The following KCNMA1 variants were observed in gnomAD, a reference collection of about 807,000 sequenced individuals.
The protein encoded by KCNMA1 is potassium calcium-activated channel subfamily M alpha 1.
In KCNMA1, 29 loss-of-function variants were observed where a neutral mutation model predicts 140.0. The ratio of observed to expected loss-of-function variants is 0.21; its 90% CI spans 0.15 to 0.28. KCNMA1 has a LOEUF of 0.28. Ranked by LOEUF, KCNMA1 falls within the 10% of genes least tolerant of loss-of-function variation. The pLI is 1.00. For missense variants in KCNMA1, 880 were observed against 1,602.2 expected, an observed-to-expected ratio of 0.55 and a Z score of 7.70; for synonymous variants, 612 against 611.9, an observed-to-expected ratio of 1.00 and a Z score of 0.00.
intron 3 of KCNMA1, among the ~76,000 whole-genome samples, chr10:77,186,013 G>A (rs1438051999): frequency 6.6e-6 from 1 of 152,142 alleles, no homozygotes; most frequent in Non-Finnish European, 1.5e-5. Context: ...CTTGAGAAAT[G>A]GAAGATGAAG....
At chr10:77,220,123 C>T (rs2049115180) in intron 3 of KCNMA1, among the ~76,000 whole-genome samples, 1 of 152,138 alleles carries the variant, frequency 6.6e-6, no homozygotes, top group East Asian at 1.9e-4. Flanking sequence ...TCATAACACC[C>T]TTTTTGTGTT....
At chr10:77,034,607 A>C (rs534858171) in intron 15 of KCNMA1, among the ~76,000 whole-genome samples, 2 of 152,292 alleles carry the variant, frequency 1.3e-5, no homozygotes, top group East Asian at 3.9e-4. Context: ...GGGAAAAGAG[A>C]ATCCCCCTGC....
exon 30 of KCNMA1, chr10:76,877,781 G>T: frequency 6.4e-7 from 1 of 1,570,472 alleles, no homozygotes; most frequent in South Asian, 1.2e-5. Context: ...GAATCAAGCT[G>T]CTTGTGGATT....
At chr10:77,517,563 G>C (rs75820970) in intron 1 of KCNMA1, among the ~76,000 whole-genome samples, 5,750 of 152,240 alleles carry the variant, frequency 0.038, 213 homozygotes, top group Non-Finnish European at 0.051. Context: ...TGCTGAGTTG[G>C]GGCTCATGGG....
At chr10:76,914,222 A>G (rs1204601584) in intron 24 of KCNMA1, 4 of 1,022,954 alleles carry the variant, frequency 3.9e-6, no homozygotes, top group Non-Finnish European at 4.5e-6. Context: ...TAACAGAGGA[A>G]ACATTCTCAA....
At chr10:76,979,587 C>T (rs144508803) in intron 19 of KCNMA1, 24 of 152,104 alleles carry the variant, frequency 1.6e-4, no homozygotes, top group African/African-American at 5.8e-4. Flanking sequence ...ATGCTTGCCC[C>T]AATGATTGTG....
intron 19 of KCNMA1, among the ~76,000 whole-genome samples, chr10:76,996,024 T>C (rs2084205015): frequency 6.6e-6 from 1 of 152,220 alleles, no homozygotes; most frequent in Non-Finnish European, 1.5e-5. Context: ...ATCTTCATAG[T>C]GTATTCATCT....
At chr10:76,881,246 G>A (rs904259920), downstream of KCNMA1, among the ~76,000 whole-genome samples, 2 of 152,118 alleles carry the variant, frequency 1.3e-5, no homozygotes, top group African/African-American at 4.8e-5. Flanking sequence ...TCTAGCTCAC[G>A]TACTAGTTGC....
chr10:77,287,282 T>G (rs1439844660), intron 2 of KCNMA1, among the ~76,000 whole-genome samples: 2 of 152,126 alleles, frequency 1.3e-5, no homozygotes, highest in African/African-American at 4.8e-5. Context: ...GAGCCAAACA[T>G]TTTGCATGGA....
intron 1 of KCNMA1, among the ~76,000 whole-genome samples, chr10:77,516,791 C>T (rs1012986084): frequency 1.4e-4 from 22 of 152,084 alleles, no homozygotes; most frequent in African/African-American, 5.1e-4. Context: ...GAGGCTAAAA[C>T]GGGGGTGCCT....
At chr10:77,558,155 GAA>G (rs1188473528) in intron 1 of KCNMA1, among the ~76,000 whole-genome samples, 1 of 152,074 alleles carries the variant, frequency 6.6e-6, no homozygotes, top group Non-Finnish European at 1.5e-5. Context: ...AATGGTTAAG[GAA>G]AAGACTCAGA....
intron 6 of KCNMA1, among the ~76,000 whole-genome samples, chr10:77,114,432 T>A (rs999366155): frequency 6.6e-6 from 1 of 152,222 alleles, no homozygotes; most frequent in Non-Finnish European, 1.5e-5. Flanking sequence ...GTCCAAAGGC[T>A]TCTTGTTGAC....
intron 5 of KCNMA1, among the ~76,000 whole-genome samples, chr10:77,123,646 C>T (rs1368497293): frequency 2.0e-5 from 3 of 152,186 alleles, no homozygotes; most frequent in Non-Finnish European, 4.4e-5. Flanking sequence ...CAAGACCTCC[C>T]AGTGGATGCC....
chr10:77,002,070 C>A (rs1252885896), intron 18 of KCNMA1, among the ~76,000 whole-genome samples: 1 of 152,176 alleles, frequency 6.6e-6, no homozygotes, highest in Non-Finnish European at 1.5e-5. Flanking sequence ...CCATCCATTT[C>A]TGGGCATTAG....
At chr10:77,097,818 A>G (rs1454992304) in intron 9 of KCNMA1, among the ~76,000 whole-genome samples, 1 of 152,174 alleles carries the variant, frequency 6.6e-6, no homozygotes, top group Admixed American at 6.5e-5. Context: ...GAGGAAGTGA[A>G]TAAAGTAATC....
intron 2 of KCNMA1, among the ~76,000 whole-genome samples, chr10:77,263,039 A>G (rs1414293332): frequency 6.6e-6 from 1 of 152,172 alleles, no homozygotes; most frequent in Non-Finnish European, 1.5e-5. Flanking sequence ...CTGAGAACCC[A>G]CAAGTAGAAT....
intron 1 of KCNMA1, among the ~76,000 whole-genome samples, chr10:77,542,247 C>A (rs1234092287): frequency 6.6e-6 from 1 of 152,282 alleles, no homozygotes; most frequent in East Asian, 1.9e-4. Context: ...TCACCCAGTG[C>A]AAGGCATTTT....
At chr10:77,191,254 T>A (rs1452542281) in intron 3 of KCNMA1, among the ~76,000 whole-genome samples, 1 of 152,180 alleles carries the variant, frequency 6.6e-6, no homozygotes, top group Non-Finnish European at 1.5e-5. Context: ...TTATTATTCA[T>A]AAAATTTAAG....
Position 76,885,489 on chromosome 10 carries a change from C to T in KCNMA1, c.*1777G>A, listed in dbSNP as rs1309455588. On this transcript the variant is annotated 3_prime_UTR_variant, in exon 28 of 28. Coordinates refer to ENST00000286628, the MANE Select transcript of KCNMA1 (RefSeq NM_001161352.2). ...CAGTAAAAGTGCTTGTCAATTCACA[C>T]AGCAAGCAAATATCCAAAACTATCA... The T allele has an allele frequency of 4.1e-6, 4 of 985,188 alleles. No individual in the cohort carries two copies. In the African/African-American group the frequency reaches 7.0e-5, roughly 17 times the overall value. The allele number at this position is 985,188 out of a possible 1,614,324, so 61.0% of individuals were successfully genotyped here.
Sources: allele counts gnomAD v4.1 joint callset (sites outside exome capture counted in the v4.1 genomes callset), GRCh38; gene constraint gnomAD v4.1.1; transcripts MANE v1.5; gene names NCBI Gene and HGNC (gene_info 2026-07-23, HGNC 2026-07-21).